KSR2: variants seen among roughly 807,000 people sequenced by gnomAD.
KSR2 encodes kinase suppressor of ras 2.
KSR2 carries 25 observed loss-of-function variants against 107.8 expected under a neutral mutation model. The ratio of observed to expected loss-of-function variants is 0.23; its 90% CI spans 0.17 to 0.32. KSR2 has a LOEUF of 0.32. Among genes scored for constraint, KSR2 ranks in the 10% least tolerant of loss-of-function variants. KSR2 has a pLI of 1.00. For missense variants in KSR2, 887 were observed against 1,268.9 expected, an observed-to-expected ratio of 0.70 and a Z score of 4.57; for synonymous variants, 480 against 507.0, an observed-to-expected ratio of 0.95 and a Z score of 0.71.
At position 117,667,461 on chromosome 12, in the gene KSR2, C is replaced by A. The variant is rs532872623; in HGVS notation, c.1171+13G>T. On this transcript the variant is annotated intron_variant, in intron 5 of 19. Coordinates refer to ENST00000339824, the MANE Select transcript of KSR2 (RefSeq NM_173598.6). ...GGCAAGCGTTCCCAGTGCAGCCCGG[C>A]AGGGTGACTTACTTGCAGAGAAGTT... 35 of 1,606,106 alleles carry A rather than the reference C, an allele frequency of 2.2e-5. No individual in the cohort carries two copies. The African/African-American group carries it at 3.5e-4, about 16-fold the overall frequency.
At chr12:117,671,159 T>C (rs1364306350) in intron 4 of KSR2, among the ~76,000 whole-genome samples, 1 of 152,224 alleles carries the variant, frequency 6.6e-6, no homozygotes, top group Admixed American at 6.5e-5. Context: ...TACTTGTCTT[T>C]TATGACTTGG....
chr12:117,911,411 C>CTATGGAGCA (rs1566078576), intron 1 of KSR2, among the ~76,000 whole-genome samples: 1 of 152,166 alleles, frequency 6.6e-6, no homozygotes, highest in African/African-American at 2.4e-5. Flanking sequence ...AATGATCATC[C>CTATGGAGCA]TATGGAGCAG....
At chr12:117,503,727 A>G (rs902270514) in intron 14 of KSR2, among the ~76,000 whole-genome samples, 5 of 152,238 alleles carry the variant, frequency 3.3e-5, no homozygotes, top group Non-Finnish European at 7.3e-5. Flanking sequence ...GGACATGCAA[A>G]GAGGTTGGAT....
intron 5 of KSR2, among the ~76,000 whole-genome samples, chr12:117,615,669 T>C (rs761543579): frequency 6.6e-6 from 1 of 152,130 alleles, no homozygotes; most frequent in Non-Finnish European, 1.5e-5. Flanking sequence ...GAGTGTGTCA[T>C]CCTGGAAGTG....
At chr12:117,596,731 C>A (rs72487547) in intron 5 of KSR2, among the ~76,000 whole-genome samples, 5,054 of 152,206 alleles carry the variant, frequency 0.033, 214 homozygotes, top group South Asian at 0.14. Context: ...GTTTATGAAT[C>A]ATGATTAACT....
intron 3 of KSR2, 116 bp downstream of exon 3, chr12:117,855,312 C>T (rs1288332763): frequency 7.2e-6 from 10 of 1,394,266 alleles, no homozygotes; most frequent in South Asian, 1.3e-5. Flanking sequence ...CGGATTTGCC[C>T]CCCAGGGTTG....
chr12:117,910,035 C>T (rs542142613), intron 1 of KSR2, among the ~76,000 whole-genome samples: 1 of 152,156 alleles, frequency 6.6e-6, no homozygotes, highest in African/African-American at 2.4e-5. Context: ...CGAAACCAAC[C>T]TGGGCAACAT....
chr12:117,653,200 G>A (rs1044773797), intron 5 of KSR2, among the ~76,000 whole-genome samples: 3 of 152,224 alleles, frequency 2.0e-5, no homozygotes, highest in African/African-American at 7.2e-5. Flanking sequence ...ATTATCATAA[G>A]CTTAACCAAG....
chr12:117,909,531 T>C (rs550668547), intron 1 of KSR2, among the ~76,000 whole-genome samples: 4 of 152,344 alleles, frequency 2.6e-5, no homozygotes, highest in African/African-American at 9.6e-5. Context: ...TTTTAGCTGG[T>C]GCACTGACAC....
intron 5 of KSR2, among the ~76,000 whole-genome samples, chr12:117,635,110 CAG>C (rs1186415244): frequency 6.6e-6 from 1 of 152,182 alleles, no homozygotes; most frequent in African/African-American, 2.4e-5. Flanking sequence ...CTGGAAAACT[CAG>C]AGTTTGCTGC....
At chr12:117,601,297 G>T (rs963632226) in intron 5 of KSR2, among the ~76,000 whole-genome samples, 1 of 30,704 alleles carries the variant, frequency 3.3e-5, no homozygotes, top group East Asian at 7.7e-3. Flanking sequence ...CAAGATCTTG[G>T]GGGGGGGGGT....
At chr12:117,721,466 C>T (rs1887203225) in intron 4 of KSR2, among the ~76,000 whole-genome samples, 2 of 152,068 alleles carry the variant, frequency 1.3e-5, no homozygotes, top group Admixed American at 1.3e-4. Context: ...CTACTGTTGT[C>T]CCAGAATTAT....
intron 1 of KSR2, among the ~76,000 whole-genome samples, chr12:117,883,815 G>A (rs1012818654): frequency 6.7e-6 from 1 of 149,084 alleles, no homozygotes; most frequent in Non-Finnish European, 1.5e-5. Context: ...GGCGAAGGTG[G>A]CAGTGAGCCA....
intron 4 of KSR2, among the ~76,000 whole-genome samples, chr12:117,745,229 A>T (rs1260610426): frequency 6.6e-6 from 1 of 152,220 alleles, no homozygotes; most frequent in East Asian, 1.9e-4. Flanking sequence ...TGGACAAGGT[A>T]TACTCTCTTA....
At chr12:117,914,078 G>A (rs1321732136) in intron 1 of KSR2, among the ~76,000 whole-genome samples, 5 of 152,238 alleles carry the variant, frequency 3.3e-5, no homozygotes, top group South Asian at 2.1e-4. Context: ...CCAGTTTCCC[G>A]TCTGAAAACT....
chr12:117,923,257 T>C (rs1895399998), intron 1 of KSR2, among the ~76,000 whole-genome samples: 1 of 152,164 alleles, frequency 6.6e-6, no homozygotes, highest in Non-Finnish European at 1.5e-5. Flanking sequence ...TAAAATAAGG[T>C]GTCTTTAAAC....
intron 3 of KSR2, among the ~76,000 whole-genome samples, chr12:117,813,304 A>G (rs1891264564): frequency 6.6e-6 from 1 of 151,822 alleles, no homozygotes; most frequent in Admixed American, 6.6e-5. Flanking sequence ...TCAAACTAAA[A>G]AGCATCTACA....
intron 4 of KSR2, among the ~76,000 whole-genome samples, chr12:117,724,341 A>G (rs1887328647): frequency 6.6e-6 from 1 of 151,676 alleles, no homozygotes; most frequent in South Asian, 2.1e-4. Flanking sequence ...GAAAAATAAC[A>G]TATATCTACC....
intron 14 of KSR2, among the ~76,000 whole-genome samples, chr12:117,498,830 G>A (rs1873197792): frequency 6.6e-6 from 1 of 152,206 alleles, no homozygotes; most frequent in African/African-American, 2.4e-5. Context: ...TGTGAGATGT[G>A]TCTTTCACCT....
Sources: allele counts gnomAD v4.1 joint callset (sites outside exome capture counted in the v4.1 genomes callset), GRCh38; gene constraint gnomAD v4.1.1; transcripts MANE v1.5; gene names NCBI Gene and HGNC (gene_info 2026-07-23, HGNC 2026-07-21).